SLC4A4: variants seen among roughly 807,000 people sequenced by gnomAD.
The protein encoded by SLC4A4 is solute carrier family 4 member 4.
Under a neutral mutation model 111.5 loss-of-function variants are expected in SLC4A4, and 27 were observed. The ratio of observed to expected loss-of-function variants is 0.24; its 90% CI spans 0.18 to 0.33. SLC4A4 has a LOEUF of 0.33. Among genes scored for constraint, SLC4A4 ranks in the 10% least tolerant of loss-of-function variants. The pLI is 1.00. For synonymous variants in SLC4A4, 443 were observed against 463.4 expected (o/e 0.96, Z 0.57); for missense variants, 909 against 1,315.5 (o/e 0.69, Z 4.78).
rs1737704658 is a variant in SLC4A4 at position 71,568,638 on chromosome 4, T to A, written c.*887T>A. 1 of 152,316 alleles carries A rather than the reference T, an allele frequency of 6.6e-6. No homozygotes were observed. Among genetic ancestry groups the A allele is most frequent in the Non-Finnish European group, 1.5e-5 (1 of 67,808 alleles). The allele number at this position is 152,316 out of a possible 1,614,324, so 9.4% of individuals were successfully genotyped here. ...TTTGTCAATTTTTAAAACTTTTTTT[T>A]AATTACTGTAAAGAAAATGAATTTT... On this transcript the variant is annotated 3_prime_UTR_variant, in exon 26 of 26. Transcript: ENST00000264485.
rs1419442067 is a variant in SLC4A4, at chr4:71,285,691, T to C, written c.253+30292T>C. Reference sequence around the variant, plus strand: ...AGAAAACAATTCTCATATTACTCTATGAGATGTCATTGAAAAGATGCATTT... The same window carrying C: ...AGAAAACAATTCTCATATTACTCTACGAGATGTCATTGAAAAGATGCATTT... On this transcript the variant is annotated intron_variant, in intron 3 of 25. Transcript: ENST00000264485. 3.9e-5 allele frequency among the ~76,000 whole-genome samples: 6 copies of C among 152,298 alleles called. No individual in the cohort carries two copies. In the East Asian group the frequency reaches 1.2e-3, roughly 29 times the overall value.
intron 2 of SLC4A4, among the ~76,000 whole-genome samples, chr4:71,161,008 T>C (rs1484017858): frequency 6.6e-6 from 1 of 152,162 alleles, no homozygotes; most frequent in Non-Finnish European, 1.5e-5. Context: ...AAATAAACCG[T>C]ATTTTCACAG....
chr4:71,318,376 A>T (rs1214578204), intron 3 of SLC4A4, among the ~76,000 whole-genome samples: 1 of 152,108 alleles, frequency 6.6e-6, no homozygotes, highest in Non-Finnish European at 1.5e-5. Context: ...TCACGGCAGG[A>T]CATACCATGC....
chr4:71,242,076 T>C (rs1444069187), intron 2 of SLC4A4, among the ~76,000 whole-genome samples: 10 of 152,342 alleles, frequency 6.6e-5, no homozygotes, highest in Admixed American at 6.5e-4. Flanking sequence ...ATCAGACATT[T>C]CTTCTGAGAA....
intron 16 of SLC4A4, among the ~76,000 whole-genome samples, chr4:71,512,760 G>A (rs1732046490): frequency 6.6e-6 from 1 of 152,088 alleles, no homozygotes; most frequent in South Asian, 2.1e-4. Flanking sequence ...TATTTTTATA[G>A]TTTTGGGTCT....
chr4:71,475,843 T>G (rs191007791), intron 14 of SLC4A4, among the ~76,000 whole-genome samples: 1 of 152,010 alleles, frequency 6.6e-6, no homozygotes, highest in East Asian at 2.0e-4. Context: ...AATCAACTGT[T>G]AGCTGCCATT....
rs12639702 is a variant in SLC4A4, at chr4:71,277,221, T to G, written c.253+21822T>G. Among the ~76,000 whole-genome samples the G allele has an allele frequency of 4.9e-4, 74 of 152,266 alleles. No homozygotes were observed. The East Asian group carries it at 0.013, about 26-fold the overall frequency. On this transcript the variant is annotated intron_variant, in intron 3 of 25. Coordinates refer to ENST00000264485, the MANE Select transcript of SLC4A4 (RefSeq NM_001098484.3). ...TTTATTTTTAAAGAAACTACCAAACTGTTTTTCAGAGTGCTTGTATCATTT... is the reference window on the plus strand; with the variant it reads ...TTTATTTTTAAAGAAACTACCAAACGGTTTTTCAGAGTGCTTGTATCATTT...
intron 2 of SLC4A4, among the ~76,000 whole-genome samples, chr4:71,247,262 A>C (rs1169410999): frequency 6.7e-6 from 1 of 148,194 alleles, no homozygotes; most frequent in South Asian, 2.1e-4. Context: ...AAATATGTTC[A>C]TCTACTAATA....
intron 13 of SLC4A4, 150 bp from the exon 14 acceptor site, chr4:71,472,549 A>T: frequency 1.3e-6 from 1 of 759,132 alleles, no homozygotes; most frequent in Non-Finnish European, 2.2e-6. Context: ...TCTTAAACTT[A>T]GTGCTTTCTG....
intron 12 of SLC4A4, among the ~76,000 whole-genome samples, chr4:71,459,072 A>C (rs1174092585): frequency 2.6e-5 from 4 of 152,060 alleles, no homozygotes; most frequent in Non-Finnish European, 4.4e-5. Flanking sequence ...TCTTTAAAGA[A>C]GCTTTAAATA....
At chr4:71,224,171 ACTT>A (rs1259298611) in intron 1 of SLC4A4, among the ~76,000 whole-genome samples, 20 of 151,934 alleles carry the variant, frequency 1.3e-4, no homozygotes, top group Admixed American at 1.1e-3. Context: ...CCCTACAGCC[ACTT>A]CTTCTCTGAG....
chr4:71,245,904 G>T (rs1197514477), intron 2 of SLC4A4, among the ~76,000 whole-genome samples: 1 of 152,166 alleles, frequency 6.6e-6, no homozygotes, highest in African/African-American at 2.4e-5. Context: ...CTCTGAGGCC[G>T]AGAAGAGGGC....
chr4:71,564,739 G>A (rs1049747294), intron 24 of SLC4A4, among the ~76,000 whole-genome samples: 5 of 151,866 alleles, frequency 3.3e-5, no homozygotes, highest in African/African-American at 4.8e-5. Context: ...ATTTTACCAT[G>A]CCACCTCAAC....
chr4:71,364,325 T>C (rs1731053370), intron 6 of SLC4A4, among the ~76,000 whole-genome samples: 1 of 152,212 alleles, frequency 6.6e-6, no homozygotes, highest in South Asian at 2.1e-4. Context: ...TGATGTCTTA[T>C]TCTGTGCATA....
At chr4:71,447,837 G>GACTTCCTTA in intron 9 of SLC4A4, 104 bp downstream of exon 9, 1 of 788,698 alleles carries the variant, frequency 1.3e-6, no homozygotes, top group Non-Finnish European at 2.2e-6. Flanking sequence ...GTGGTTACTA[G>GACTTCCTTA]ACTTCCTTAT....
At position 71,497,675 on chromosome 4, in the gene SLC4A4, C is replaced by A; in HGVS notation, c.2149C>A (p.Pro717Thr). The A allele has an allele frequency of 6.2e-7, 1 of 1,612,798 alleles. No individual in the cohort carries two copies. The highest frequency in any genetic ancestry group is 8.5e-7 in the Non-Finnish European group (1 of 1,179,056). The change falls in exon 16 of 26, where the codon CCT becomes ACT. Residue 717 changes from proline to threonine, a missense_variant. Physicochemically the swap from Pro to Thr is conservative, Grantham distance 38. This residue lies in a region of SLC4A4 where 264 missense variants were observed against 356.8 expected (regional missense o/e 0.74). Transcript: ENST00000264485. ...GGCTCTGAAAAAATTCAAAACTAGT[C>A]CTTATTTTCCAACCACAGTAAGTAC... is the stretch of plus-strand genomic sequence containing the variant. The part of the protein sequence containing the change: ...SMALKKFKTS[P>T]YFPTTARKLI...
At chr4:71,385,438 T>A (rs1253298170) in intron 6 of SLC4A4, among the ~76,000 whole-genome samples, 1 of 151,746 alleles carries the variant, frequency 6.6e-6, no homozygotes, top group Non-Finnish European at 1.5e-5. Flanking sequence ...CCTCAGGCAA[T>A]CCGCCCACCT....
intron 2 of SLC4A4, among the ~76,000 whole-genome samples, chr4:71,135,961 CT>C (rs1472478973): frequency 2.0e-5 from 3 of 152,216 alleles, no homozygotes; most frequent in Admixed American, 1.3e-4. Context: ...GCCCTCAGCA[CT>C]TTTGATGTTG....
intron 8 of SLC4A4, among the ~76,000 whole-genome samples, chr4:71,442,454 C>T (rs558033263): frequency 2.2e-4 from 34 of 152,134 alleles, no homozygotes; most frequent in Non-Finnish European, 4.6e-4. Context: ...TAGCTTCATC[C>T]ATTTGCTGTC....
Sources: gnomAD v4.1 joint callset for allele counts (sites outside exome capture counted in the v4.1 genomes callset) on GRCh38, gnomAD v4.1.1 for gene constraint, gnomAD v4.1.1 regional missense constraint, MANE v1.5 for transcripts, NCBI Gene and HGNC (gene_info 2026-07-23, HGNC 2026-07-21) for gene names.